Variants in SGCZ observed in about 807,000 individuals in gnomAD.
SGCZ encodes zeta-sarcoglycan.
SGCZ carries 40 observed loss-of-function variants against 41.3 expected under a neutral mutation model. The observed-to-expected ratio is 0.97, with a 90% CI of 0.75 to 1.26. The LOEUF is 1.26. SGCZ is among the 50% of genes most tolerant of loss of function. SGCZ has a pLI of 0.00. For missense variants in SGCZ, 552 were observed against 369.8 expected (o/e 1.49, Z -4.04); for synonymous variants, 206 against 137.5 (o/e 1.50, Z -3.49).
chr8:14,253,623 G>C (rs1045568177), intron 3 of SGCZ, among the ~76,000 whole-genome samples: 1 of 151,924 alleles, frequency 6.6e-6, no homozygotes, highest in Non-Finnish European at 1.5e-5. Context: ...TATATAAAAA[G>C]GTATCTAATG....
At chr8:14,908,726 G>C (rs1161243836) in intron 1 of SGCZ, among the ~76,000 whole-genome samples, 2 of 131,902 alleles carry the variant, frequency 1.5e-5, no homozygotes, top group African/African-American at 2.9e-5. Flanking sequence ...CTCCAGCCTG[G>C]TGATCTGTCA....
chr8:14,497,167 G>A (rs190070035), intron 2 of SGCZ, among the ~76,000 whole-genome samples: 45 of 152,272 alleles, frequency 3.0e-4, no homozygotes, highest in African/African-American at 1.1e-3. Context: ...AATACCTGAG[G>A]CTGGGTAATT....
At chr8:15,001,414 G>A (rs1175897599) in intron 1 of SGCZ, among the ~76,000 whole-genome samples, 3 of 152,142 alleles carry the variant, frequency 2.0e-5, no homozygotes, top group Non-Finnish European at 4.4e-5. Context: ...AATCAGTCGT[G>A]TGCATTCTAG....
chr8:14,791,306 G>T (rs1563271785), intron 1 of SGCZ, among the ~76,000 whole-genome samples: 1 of 151,888 alleles, frequency 6.6e-6, no homozygotes, highest in South Asian at 2.1e-4. Context: ...TTCTGACATT[G>T]AGCACATATG....
At chr8:14,438,541 T>G (rs1339674486) in intron 2 of SGCZ, among the ~76,000 whole-genome samples, 1 of 151,950 alleles carries the variant, frequency 6.6e-6, no homozygotes, top group African/African-American at 2.4e-5. Context: ...GGAGAACCTA[T>G]GGAGTCAAAC....
chr8:14,383,928 T>G (rs1400081027), intron 2 of SGCZ, among the ~76,000 whole-genome samples: 1 of 152,082 alleles, frequency 6.6e-6, no homozygotes, highest in African/African-American at 2.4e-5. Context: ...GAGATTTTTT[T>G]TTTAACAGAA....
chr8:15,206,630 G>A (rs1448900957), intron 1 of SGCZ, among the ~76,000 whole-genome samples: 1 of 151,964 alleles, frequency 6.6e-6, no homozygotes, highest in Non-Finnish European at 1.5e-5. Context: ...TCTCTTTTCA[G>A]TAGAGACGGT....
intron 2 of SGCZ, among the ~76,000 whole-genome samples, chr8:14,385,836 G>C (rs912037208): frequency 6.6e-6 from 1 of 152,088 alleles, no homozygotes; most frequent in South Asian, 2.1e-4. Flanking sequence ...ATCTGACAGG[G>C]ATTGGTTCTA....
At chr8:14,120,643 GA>G (rs940034392) in intron 5 of SGCZ, among the ~76,000 whole-genome samples, 13 of 151,336 alleles carry the variant, frequency 8.6e-5, no homozygotes, top group African/African-American at 2.2e-4. Context: ...GTTTTCTATA[GA>G]AAAAAAATCC....
chr8:14,256,075 G>A (rs1018277355), intron 3 of SGCZ, among the ~76,000 whole-genome samples: 8 of 151,978 alleles, frequency 5.3e-5, no homozygotes. Context: ...TTCTCTTGAA[G>A]ACCTACTTTG....
At chr8:14,382,452 G>A (rs1804403680) in intron 2 of SGCZ, among the ~76,000 whole-genome samples, 2 of 151,620 alleles carry the variant, frequency 1.3e-5, no homozygotes, top group African/African-American at 2.4e-5. Context: ...ACAGAACATA[G>A]ACCATCACCT....
intron 1 of SGCZ, among the ~76,000 whole-genome samples, chr8:14,817,727 G>T (rs1801950384): frequency 6.6e-6 from 1 of 152,178 alleles, no homozygotes; most frequent in Non-Finnish European, 1.5e-5. Flanking sequence ...TGGAGAAGCT[G>T]CTAAATAGCC....
At chr8:15,066,707 G>A (rs1189886618) in intron 1 of SGCZ, among the ~76,000 whole-genome samples, 5 of 151,496 alleles carry the variant, frequency 3.3e-5, no homozygotes, top group Non-Finnish European at 4.4e-5. Context: ...TCCTTCTTTT[G>A]AGAATGTGCA....
intron 1 of SGCZ, among the ~76,000 whole-genome samples, chr8:14,979,555 TC>T (rs1801593789): frequency 6.6e-6 from 1 of 152,184 alleles, no homozygotes; most frequent in South Asian, 2.1e-4. Context: ...CCTTATTTTC[TC>T]CCCTGAGAAA....
rs1284285104 is a variant in SGCZ, at chr8:14,181,555, G to T, written c.425-16853C>A. ...CCCCACCCAAATCTCACCCTGAATTGTAATAATCCCCATGTGACAAGGGCG... is the reference window on the plus strand; with the variant it reads ...CCCCACCCAAATCTCACCCTGAATTTTAATAATCCCCATGTGACAAGGGCG... On this transcript the variant is annotated intron_variant, in intron 4 of 7. Transcript: ENST00000382080. Among the ~76,000 whole-genome samples, 5 of 152,290 alleles carry T rather than the reference G, an allele frequency of 3.3e-5. No individual in the cohort carries two copies. In the East Asian group the frequency reaches 9.7e-4, roughly 29 times the overall value.
intron 2 of SGCZ, among the ~76,000 whole-genome samples, chr8:14,477,071 C>G (rs897045000): frequency 1.3e-5 from 2 of 152,044 alleles, no homozygotes; most frequent in Non-Finnish European, 2.9e-5. Context: ...TTAATTAAAC[C>G]CTACTTATTC....
At chr8:14,315,525 A>G (rs1480509012) in intron 3 of SGCZ, among the ~76,000 whole-genome samples, 1 of 152,108 alleles carries the variant, frequency 6.6e-6, no homozygotes, top group Non-Finnish European at 1.5e-5. Flanking sequence ...ACCCACGCAC[A>G]ATTTAATAGT....
chr8:14,465,915 T>A (rs1399846027), intron 2 of SGCZ, among the ~76,000 whole-genome samples: 1 of 151,856 alleles, frequency 6.6e-6, no homozygotes, highest in Non-Finnish European at 1.5e-5. Flanking sequence ...AACACTAAGT[T>A]ACAATAACAC....
chr8:15,064,050 T>C (rs1442578522), intron 1 of SGCZ, among the ~76,000 whole-genome samples: 1 of 152,156 alleles, frequency 6.6e-6, no homozygotes, highest in Non-Finnish European at 1.5e-5. Context: ...TTTCAGGATA[T>C]TTCTTTTGGG....
Sources: allele counts gnomAD v4.1 joint callset (sites outside exome capture counted in the v4.1 genomes callset), GRCh38; gene constraint gnomAD v4.1.1; transcripts MANE v1.5; gene names NCBI Gene and HGNC (gene_info 2026-07-23, HGNC 2026-07-21).